ATXN1: variants seen among roughly 807,000 people sequenced by gnomAD.
ATXN1 encodes ataxin-1.
In ATXN1, 8 loss-of-function variants were observed where a neutral mutation model predicts 56.4. The observed-to-expected ratio is 0.14, with a 90% confidence interval of 0.08 to 0.26. The LOEUF (loss-of-function observed/expected upper bound fraction) is 0.26, where lower values mean the gene tolerates loss of function less well. Ranked by LOEUF, ATXN1 falls within the 10% of genes least tolerant of loss-of-function variation. The pLI, the probability that ATXN1 is intolerant of heterozygous loss-of-function variation, is 1.00. For synonymous variants in ATXN1, 514 were observed against 494.6 expected (o/e 1.04, Z -0.52); for missense variants, 987 against 1,106.5 (o/e 0.89, Z 1.53).
chr6:16,374,138 C>CAAAAAA (rs376857810), intron 6 of ATXN1, among the ~76,000 whole-genome samples: 11 of 85,382 alleles, frequency 1.3e-4, no homozygotes, highest in African/African-American at 2.8e-4. Context: ...AGGATATGAG[C>CAAAAAA]AAAAAAAAAA....
At position 16,422,602 on chromosome 6, in the gene ATXN1, G is replaced by C. The variant is rs1759060044; in HGVS notation, c.-161+63370C>G. Among the ~76,000 whole-genome samples the C allele has an allele frequency of 3.3e-5, 5 of 152,124 alleles. No individual in the cohort carries two copies. In the South Asian group the frequency reaches 1.0e-3, roughly 32 times the overall value. Reference sequence around the variant, plus strand: ...GTGAAATCTCCCTAGCTAGTTGAGGGGCAGCAGTATTAATTGTTCCTTCCT... The same window carrying C: ...GTGAAATCTCCCTAGCTAGTTGAGGCGCAGCAGTATTAATTGTTCCTTCCT... On this transcript the variant is annotated intron_variant, in intron 6 of 7. Coordinates refer to ENST00000436367, the MANE Select transcript of ATXN1 (RefSeq NM_001128164.2).
At chr6:16,563,571 C>A (rs776416278) in intron 4 of ATXN1, among the ~76,000 whole-genome samples, 16 of 151,960 alleles carry the variant, frequency 1.1e-4, no homozygotes, top group Non-Finnish European at 2.1e-4. Flanking sequence ...AGAGGGAAAG[C>A]AAGGGGGTCA....
chr6:16,598,161 A>G (rs1762847900), intron 3 of ATXN1, among the ~76,000 whole-genome samples: 1 of 152,258 alleles, frequency 6.6e-6, no homozygotes, highest in Non-Finnish European at 1.5e-5. Flanking sequence ...AAAAAATTAA[A>G]GAAATAAATG....
chr6:16,687,647 A>C (rs1045305108), intron 2 of ATXN1, among the ~76,000 whole-genome samples: 1 of 111,668 alleles, frequency 9.0e-6, no homozygotes, highest in Non-Finnish European at 1.7e-5. Flanking sequence ...GCCTGGAATC[A>C]AAGAAGAAAT....
At chr6:16,461,467 A>T (rs12111246) in intron 6 of ATXN1, among the ~76,000 whole-genome samples, 80,429 of 152,030 alleles carry the variant, frequency 0.53, 22,063 homozygotes, top group East Asian at 0.9. Context: ...GCCAAAGGAA[A>T]AATCTCTTGG....
At position 16,328,318 on chromosome 6, in the gene ATXN1, C is replaced by T. The variant is rs373632247; in HGVS notation, c.-8G>A. The stretch of plus-strand genomic sequence containing the variant: ...CTCTTGGTTGGATTTCATTTTTCGC[C>T]GTCCCCCCTCCACGGTGACTGTTTC... On this transcript the variant is annotated 5_prime_UTR_variant, in exon 7 of 8. Coordinates refer to ENST00000436367, the MANE Select transcript of ATXN1 (RefSeq NM_001128164.2). This position sits in a 1 kb window ranked among gnomAD's most constrained non-coding sequence, Gnocchi z 6.2. The T allele has an allele frequency of 9.3e-6, 14 of 1,497,548 alleles. No homozygotes were observed. Among genetic ancestry groups the T allele is most frequent in the East Asian group, 9.1e-5 (4 of 43,822 alleles). 92.8% of individuals were successfully genotyped at this position (1,497,548 alleles called of 1,614,324 possible).
intron 2 of ATXN1, among the ~76,000 whole-genome samples, chr6:16,714,190 CA>C (rs1247055706): frequency 1.3e-5 from 1 of 78,378 alleles, no homozygotes. Context: ...ACCACACACA[CA>C]CACACACACA....
At chr6:16,463,642 AG>A (rs1468842925) in intron 6 of ATXN1, among the ~76,000 whole-genome samples, 1 of 152,206 alleles carries the variant, frequency 6.6e-6, no homozygotes, top group Non-Finnish European at 1.5e-5. Flanking sequence ...CCTTCTTAGG[AG>A]AAGACTGTTG....
chr6:16,529,750 G>C (rs1761465937), intron 4 of ATXN1, among the ~76,000 whole-genome samples: 1 of 152,196 alleles, frequency 6.6e-6, no homozygotes, highest in Non-Finnish European at 1.5e-5. Context: ...ACTTAAGTGA[G>C]TTTCCAAATT....
chr6:16,495,319 A>T (rs1294299004), intron 5 of ATXN1, among the ~76,000 whole-genome samples: 1 of 152,252 alleles, frequency 6.6e-6, no homozygotes, highest in African/African-American at 2.4e-5. Flanking sequence ...AGTATCTTCA[A>T]CTATTTTATT....
intron 3 of ATXN1, among the ~76,000 whole-genome samples, chr6:16,638,708 G>T (rs868310594): frequency 6.6e-6 from 1 of 152,086 alleles, no homozygotes; most frequent in African/African-American, 2.4e-5. Context: ...CTGAGTACAC[G>T]TGACTAAATA....
intron 6 of ATXN1, among the ~76,000 whole-genome samples, chr6:16,413,340 T>C (rs1758839682): frequency 1.3e-5 from 2 of 149,310 alleles, no homozygotes; most frequent in African/African-American, 4.9e-5. Flanking sequence ...GGAAACACTG[T>C]TTTTGTTTTT....
chr6:16,504,555 T>A (rs1192823536), intron 5 of ATXN1, among the ~76,000 whole-genome samples: 1 of 152,158 alleles, frequency 6.6e-6, no homozygotes, highest in Non-Finnish European at 1.5e-5. Flanking sequence ...TTGCACAGAA[T>A]CGTTTTTAAT....
chr6:16,358,802 G>T (rs1408074416), intron 6 of ATXN1, among the ~76,000 whole-genome samples: 1 of 152,240 alleles, frequency 6.6e-6, no homozygotes, highest in Admixed American at 6.5e-5. Flanking sequence ...GTCTCCCTGT[G>T]CTCTTGGGGG....
intron 6 of ATXN1, among the ~76,000 whole-genome samples, chr6:16,338,289 T>C (rs1761169693): frequency 6.6e-6 from 1 of 151,904 alleles, no homozygotes; most frequent in East Asian, 1.9e-4. Flanking sequence ...GTCAGGAGAT[T>C]GAGACCATCC....
intron 3 of ATXN1, among the ~76,000 whole-genome samples, chr6:16,599,142 T>C (rs533449543): frequency 6.6e-6 from 1 of 152,310 alleles, no homozygotes; most frequent in Non-Finnish European, 1.5e-5. Flanking sequence ...CCAAAGATGT[T>C]TTCTTTTCCT....
At chr6:16,347,783 G>T (rs948386489) in intron 6 of ATXN1, among the ~76,000 whole-genome samples, 1 of 152,194 alleles carries the variant, frequency 6.6e-6, no homozygotes, top group Non-Finnish European at 1.5e-5. Context: ...CCAATCAGCA[G>T]AACATGGGTA....
chr6:16,695,376 C>T (rs1435385612), intron 2 of ATXN1, among the ~76,000 whole-genome samples: 2 of 152,196 alleles, frequency 1.3e-5, no homozygotes, highest in Non-Finnish European at 2.9e-5. Context: ...AATTCCATAG[C>T]TCCTCCTCCT....
rs184965405 is a variant in ATXN1, at chr6:16,406,875, T to G, written c.-160-78405A>C. ...CATTCCAGCCAATGGAAACTGGACA[T>G]AGCAGTAGGGTGGACGCGTCAGGTT... On this transcript the variant is annotated intron_variant, in intron 6 of 7. Coordinates refer to ENST00000436367, the MANE Select transcript of ATXN1 (RefSeq NM_001128164.2). Among the ~76,000 whole-genome samples, 20 of 152,336 alleles carry G rather than the reference T, an allele frequency of 1.3e-4. No individual in the cohort carries two copies. The East Asian group carries it at 2.5e-3, about 19-fold the overall frequency.
Sources: allele counts gnomAD v4.1 joint callset (sites outside exome capture counted in the v4.1 genomes callset), GRCh38; gene constraint gnomAD v4.1.1; non-coding constraint Gnocchi (gnomAD v3.1); transcripts MANE v1.5; gene names NCBI Gene and HGNC (gene_info 2026-07-23, HGNC 2026-07-21).